The following SGSM1 variants were observed in gnomAD, a reference collection of about 807,000 sequenced individuals.
SGSM1 encodes small G protein signaling modulator 1, also known as RUN and TBC1 domain containing 2.
SGSM1 carries 73 observed loss-of-function variants against 133.8 expected under a neutral mutation model. That is an observed-to-expected ratio of 0.55 (90% CI 0.45 to 0.66). The LOEUF (loss-of-function observed/expected upper bound fraction) is 0.66, where lower values mean the gene tolerates loss of function less well. SGSM1 is among the 30% of genes least tolerant of loss of function. SGSM1 has a pLI of 0.00. For missense variants in SGSM1, 1,213 were observed against 1,448.1 expected (o/e 0.84, Z 2.64); for synonymous variants, 563 against 573.0 (o/e 0.98, Z 0.25).
At chr22:24,823,460 G>A (rs891266872) in intron 2 of SGSM1, among the ~76,000 whole-genome samples, 7 of 152,000 alleles carry the variant, frequency 4.6e-5, no homozygotes, top group African/African-American at 7.3e-5. Flanking sequence ...AATTAGCTGG[G>A]CGTGTTGGCA....
intron 21 of SGSM1, among the ~76,000 whole-genome samples, chr22:24,911,461 A>G (rs1601988002): frequency 1.3e-5 from 2 of 151,892 alleles, no homozygotes; most frequent in East Asian, 3.9e-4. Context: ...CTGGCCAACT[A>G]CCTACACTTT....
intron 16 of SGSM1, among the ~76,000 whole-genome samples, chr22:24,893,213 G>A (rs186536799): frequency 4.2e-4 from 64 of 152,324 alleles, no homozygotes; most frequent in South Asian, 1.0e-3. Context: ...AATGAATAAA[G>A]GAAGGAGGGA....
chr22:24,908,320 C>T (rs1465701642), intron 21 of SGSM1, among the ~76,000 whole-genome samples: 1 of 134,628 alleles, frequency 7.4e-6, no homozygotes, highest in Admixed American at 7.5e-5. Flanking sequence ...TTAGATATGA[C>T]ACCAAAAACA....
At chr22:24,893,309 T>G in intron 16 of SGSM1, 122 bp from the exon 17 acceptor site, 1 of 1,028,478 alleles carries the variant, frequency 9.7e-7, no homozygotes, top group South Asian at 1.6e-5. Context: ...TCAGTTAATA[T>G]CTGCTGGATG....
Position 24,917,657 on chromosome 22 carries a change from G to C in SGSM1, c.2929-1G>C. ...TGATGCTGCCTTTCCTTCCTTGACAGATCCTGGACTCAGAGCTGTTTGAGC... is the reference window on the plus strand; with the variant it reads ...TGATGCTGCCTTTCCTTCCTTGACACATCCTGGACTCAGAGCTGTTTGAGC... On this transcript the variant is annotated splice_acceptor_variant, in intron 22 of 24. Coordinates refer to ENST00000400358, the MANE Select transcript of SGSM1 (RefSeq NM_001098497.3). LOFTEE classifies it high-confidence loss of function. 6.2e-7 allele frequency: 1 copy of C among 1,612,662 alleles called. No homozygotes were observed. The highest frequency in any genetic ancestry group is 1.1e-5 in the South Asian group (1 of 90,756).
chr22:24,866,859 G>A (rs1477498305), intron 9 of SGSM1, among the ~76,000 whole-genome samples: 1 of 152,126 alleles, frequency 6.6e-6, no homozygotes, highest in African/African-American at 2.4e-5. Flanking sequence ...AGAGTGGGTG[G>A]GGTCGACCTC....
At chr22:24,885,726 A>G (rs1932560486) in intron 15 of SGSM1, among the ~76,000 whole-genome samples, 1 of 151,974 alleles carries the variant, frequency 6.6e-6, no homozygotes, top group South Asian at 2.1e-4. Context: ...CCAGCTGAAC[A>G]CCTTTTTATG....
intron 21 of SGSM1, among the ~76,000 whole-genome samples, chr22:24,905,786 C>T (rs1933354781): frequency 7.4e-6 from 1 of 135,330 alleles, no homozygotes; most frequent in Non-Finnish European, 1.5e-5. Context: ...AAGACTCTGT[C>T]TCAAAAAAAA....
chr22:24,917,822 C>A (rs752609771), intron 23 of SGSM1, 68 bp downstream of exon 23: 6 of 1,365,854 alleles, frequency 4.4e-6, no homozygotes, highest in Non-Finnish European at 5.1e-6. Flanking sequence ...GAAAAGATCC[C>A]GTGGAGGTGA....
intron 3 of SGSM1, among the ~76,000 whole-genome samples, chr22:24,846,402 A>G (rs1221351564): frequency 6.6e-6 from 1 of 152,078 alleles, no homozygotes; most frequent in Non-Finnish European, 1.5e-5. Context: ...ATGTATGTGT[A>G]TATATACATA....
In SGSM1 at chr22:24,925,491, A is replaced by T. The variant is rs549045963; in HGVS notation, c.*1217A>T. The T allele has an allele frequency of 2.0e-5, 3 of 152,268 alleles. No individual in the cohort carries two copies. In the South Asian group the frequency reaches 6.2e-4, roughly 32 times the overall value. The allele number at this position is 152,268 out of a possible 1,614,324, so 9.4% of individuals were successfully genotyped here. ...TACTTGTTTTCTTCTTTTCAAGAAA[A>T]GTATCTCCCCACATAGGCGGTGGAC... On this transcript the variant is annotated 3_prime_UTR_variant, in exon 25 of 25. Transcript: ENST00000400358.
chr22:24,827,286 C>T lies in SGSM1; in HGVS notation c.64-17611C>T, dbSNP rs187969727. On this transcript the variant is annotated intron_variant, in intron 2 of 24. Transcript: ENST00000400358. ...ACCCAGAATCCCCCTTCCTGCCTCA[C>T]GGATTGCCCTGGGTTTCCCTGCCTG... Among the ~76,000 whole-genome samples, 81 of 151,620 alleles carry T rather than the reference C, an allele frequency of 5.3e-4. 1 individual carries two copies. In the East Asian group the frequency reaches 0.012, roughly 22 times the overall value.
chr22:24,844,723 A>C (rs151058124), intron 2 of SGSM1, 174 bp from the exon 3 acceptor site: 35 of 580,402 alleles, frequency 6.0e-5, no homozygotes, highest in Middle Eastern at 4.6e-4. Flanking sequence ...GAGCTGTGAC[A>C]GGCCTCAGAC....
chr22:24,890,003 C>T (rs1412623777), intron 16 of SGSM1, among the ~76,000 whole-genome samples: 2 of 144,664 alleles, frequency 1.4e-5, no homozygotes, highest in African/African-American at 2.6e-5. Context: ...GTCGCCCAGG[C>T]TGGAGTGCAG....
chr22:24,868,332 A>G (rs1193679075), intron 10 of SGSM1, 44 bp from the exon 11 acceptor site: 3 of 1,581,346 alleles, frequency 1.9e-6, no homozygotes, highest in African/African-American at 1.3e-5. Flanking sequence ...ACCGTGCCTC[A>G]TAGTGACTTC....
intron 8 of SGSM1, among the ~76,000 whole-genome samples, chr22:24,858,654 A>AAAAAG (rs1268815477): frequency 1.4e-5 from 2 of 142,764 alleles, no homozygotes; most frequent in Non-Finnish European, 1.5e-5. Flanking sequence ...AAAAAAAAAA[A>AAAAAG]AAGAAGAAAG....
chr22:24,840,490 TC>T (rs753319691), intron 2 of SGSM1, among the ~76,000 whole-genome samples: 4 of 151,958 alleles, frequency 2.6e-5, no homozygotes, highest in Non-Finnish European at 4.4e-5. Context: ...ATTACAGGCA[TC>T]CACCATCATG....
At chr22:24,885,227 G>A (rs976320444) in intron 15 of SGSM1, among the ~76,000 whole-genome samples, 5 of 152,004 alleles carry the variant, frequency 3.3e-5, no homozygotes, top group Middle Eastern at 6.3e-3. Context: ...GAGCCGCTGC[G>A]CCCAGCCAAG....
intron 2 of SGSM1, chr22:24,844,536 AG>A: frequency 5.7e-6 from 1 of 174,656 alleles, no homozygotes; most frequent in African/African-American, 2.4e-5. Context: ...AAAAAAAAAA[AG>A]AATGAGAATA....
Sources: gnomAD v4.1 joint callset for allele counts (sites outside exome capture counted in the v4.1 genomes callset) on GRCh38, gnomAD v4.1.1 for gene constraint, MANE v1.5 for transcripts, NCBI Gene and HGNC (gene_info 2026-07-23, HGNC 2026-07-21) for gene names.